The following KIF13A variants were observed in gnomAD, a reference collection of about 807,000 sequenced individuals.
KIF13A encodes the protein kinesin-like protein KIF13A.
A neutral mutation model predicts 212.2 loss-of-function variants in KIF13A; 79 were observed. The ratio of observed to expected loss-of-function variants is 0.37; its 90% CI spans 0.31 to 0.45. The LOEUF is 0.45. KIF13A is among the 20% of genes least tolerant of loss of function. The pLI is 1.00. For missense variants in KIF13A, 1,901 were observed against 2,209.0 expected (o/e 0.86, Z 2.79); for synonymous variants, 789 against 808.6 (o/e 0.98, Z 0.41).
chr6:17,761,778 G>A (rs1242010324), downstream of KIF13A, among the ~76,000 whole-genome samples: 3 of 152,100 alleles, frequency 2.0e-5, no homozygotes, highest in African/African-American at 7.2e-5. Context: ...TGGGAGGAAC[G>A]TACTATTCTG....
Position 17,828,508 on chromosome 6 carries a change from T to A in KIF13A, c.1402-138A>T. On this transcript the variant is annotated intron_variant, in intron 13 of 38. Transcript: ENST00000259711. The surrounding 1 kb of genome is among the most constrained non-coding windows in gnomAD (Gnocchi z 4.3). ...ATCCTGCCAGAGATGTTAAATATCT[T>A]AAGCATTAAAAGTAAAACGCTTACC... is the stretch of plus-strand genomic sequence containing the variant. 1.5e-6 allele frequency: 1 copy of A among 681,164 alleles called. No homozygotes were observed. 42.2% of individuals were successfully genotyped at this position (681,164 alleles called of 1,614,324 possible).
chr6:17,777,185 A>C lies in KIF13A; in HGVS notation c.4170+92T>G, dbSNP rs1422542472. ...TTGGGATGCCCACACCAGTTCCATA[A>C]GCTCTACTGCCACTGTGTGAATCCC... On this transcript the variant is annotated intron_variant, in intron 34 of 38. Coordinates refer to ENST00000259711, the MANE Select transcript of KIF13A (RefSeq NM_022113.6). This position sits in a 1 kb window ranked among gnomAD's most constrained non-coding sequence, Gnocchi z 4.4. 13 of 979,538 alleles carry C rather than the reference A, an allele frequency of 1.3e-5. No homozygotes were observed. Among genetic ancestry groups the C allele is most frequent in the Non-Finnish European group, 1.9e-5 (12 of 625,348 alleles). 60.7% of individuals were successfully genotyped at this position (979,538 alleles called of 1,614,324 possible). A position where few individuals can be genotyped will look rare whatever the true frequency, so the allele number is the denominator to read the frequency against.
intron 16 of KIF13A, among the ~76,000 whole-genome samples, chr6:17,818,944 G>C (rs1016625499): frequency 3.3e-5 from 5 of 150,774 alleles, no homozygotes; most frequent in Admixed American, 2.0e-4. Flanking sequence ...TGTTTTCAAA[G>C]AAGCAAAATA....
In KIF13A at chr6:17,987,007, C is replaced by T; in HGVS notation, c.146+47G>A. 1.4e-6 allele frequency: 2 copies of T among 1,440,134 alleles called. No individual in the cohort carries two copies. The highest frequency in any genetic ancestry group is 2.0e-6 in the Non-Finnish European group (2 of 1,023,020). The allele number at this position is 1,440,134 out of a possible 1,614,324, so 89.2% of individuals were successfully genotyped here. On this transcript the variant is annotated intron_variant, in intron 2 of 38. Transcript: ENST00000259711. The surrounding 1 kb of genome is among the most constrained non-coding windows in gnomAD (Gnocchi z 7.7). The stretch of plus-strand genomic sequence containing the variant: ...TTTTCCTGGCTCAAACTTGCGGGAC[C>T]CCGCGAGGCTGGATCCTCCCAGCCG...
chr6:17,829,602 G>A lies in KIF13A; in HGVS notation c.1402-1232C>T, dbSNP rs1765260177. On this transcript the variant is annotated intron_variant, in intron 13 of 38. Transcript: ENST00000259711. This position sits in a 1 kb window ranked among gnomAD's most constrained non-coding sequence, Gnocchi z 5.4. ...TGTGACTATTGGTGATTCAGCCACT[G>A]CTTATCCCATTTTTTTCTATTGCTC... Among the ~76,000 whole-genome samples, 1 of 152,158 alleles carries A rather than the reference G, an allele frequency of 6.6e-6. No homozygotes were observed. Among genetic ancestry groups the A allele is most frequent in the Non-Finnish European group, 1.5e-5 (1 of 68,034 alleles).
chr6:17,833,440 A>G lies in KIF13A; in HGVS notation c.1266+521T>C, dbSNP rs112128836. Among the ~76,000 whole-genome samples the G allele has an allele frequency of 1.2e-3, 177 of 149,322 alleles. 2 individuals are homozygous for G. Among genetic ancestry groups the G allele is most frequent in the African/African-American group, 4.2e-3 (170 of 40,456 alleles). ...GAGCCCAGGATGTTGAGGCTGCAAG[A>G]GAGCTGTGATTGAGCTGCTGTACTC... On this transcript the variant is annotated intron_variant, in intron 12 of 38. Coordinates refer to ENST00000259711, the MANE Select transcript of KIF13A (RefSeq NM_022113.6).
chr6:17,978,374 T>C (rs567152556), intron 2 of KIF13A, among the ~76,000 whole-genome samples: 2 of 152,348 alleles, frequency 1.3e-5, no homozygotes, highest in South Asian at 2.1e-4. Flanking sequence ...AAATATTTTG[T>C]AGAGTGGTCT....
At chr6:17,873,789 C>A (rs916257478) in intron 3 of KIF13A, among the ~76,000 whole-genome samples, 1 of 151,936 alleles carries the variant, frequency 6.6e-6, no homozygotes. Flanking sequence ...GAGGTCTTGC[C>A]CTATTGCTCA....
rs1207428955 is a variant in KIF13A, at chr6:17,918,133, T to C, written c.147-19953A>G. Among the ~76,000 whole-genome samples, 1 of 152,088 alleles carries C rather than the reference T, an allele frequency of 6.6e-6. No homozygotes were observed. Among genetic ancestry groups the C allele is most frequent in the Non-Finnish European group, 1.5e-5 (1 of 68,026 alleles). ...CCTAGGTCTGCCCTGCTTGGTGTCA[T>C]GGACCCCACACCAGGCACATGGTAA... On this transcript the variant is annotated intron_variant, in intron 2 of 38. Transcript: ENST00000259711. This position sits in a 1 kb window ranked among gnomAD's most constrained non-coding sequence, Gnocchi z 4.8.
chr6:17,897,200 G>C lies in KIF13A; in HGVS notation c.159+968C>G, dbSNP rs971487157. On this transcript the variant is annotated intron_variant, in intron 3 of 38. Coordinates refer to ENST00000259711, the MANE Select transcript of KIF13A (RefSeq NM_022113.6). The surrounding 1 kb of genome is among the most constrained non-coding windows in gnomAD (Gnocchi z 4.8). Reference sequence around the variant, plus strand: ...ATTTTAATGGGTTTCCATAATCCAAGAGCTAAGATGGATTGTTCTTCATAA... The same window carrying C: ...ATTTTAATGGGTTTCCATAATCCAACAGCTAAGATGGATTGTTCTTCATAA... 1.3e-5 allele frequency among the ~76,000 whole-genome samples: 2 copies of C among 152,122 alleles called. No individual in the cohort carries two copies. Among genetic ancestry groups the C allele is most frequent in the Admixed American group, 6.5e-5 (1 of 15,282 alleles).
intron 2 of KIF13A, among the ~76,000 whole-genome samples, chr6:17,935,564 T>C (rs1776381909): frequency 6.6e-6 from 1 of 152,140 alleles, no homozygotes; most frequent in South Asian, 2.1e-4. Context: ...TGAAAACCAC[T>C]GCCCCAACAG....
At chr6:17,760,933 C>A (rs1026991689), downstream of KIF13A, 2 of 1,586,172 alleles carry the variant, frequency 1.3e-6, no homozygotes, top group Non-Finnish European at 8.7e-7. Context: ...CCCACCCCAC[C>A]CACAGCACCT....
Position 17,834,137 on chromosome 6 carries a change from G to T in KIF13A, c.1156-66C>A. The T allele has an allele frequency of 2.2e-6, 2 of 916,896 alleles. No individual in the cohort carries two copies. The highest frequency in any genetic ancestry group is 1.6e-5 in the South Asian group (1 of 63,450). The allele number at this position is 916,896 out of a possible 1,614,324, so 56.8% of individuals were successfully genotyped here. On this transcript the variant is annotated intron_variant, in intron 11 of 38. Transcript: ENST00000259711. The surrounding 1 kb of genome is among the most constrained non-coding windows in gnomAD (Gnocchi z 4.0). ...TCCACCATCATATACAAGACAATCAGTTACTGTCCCTCTTAAGCAGTTATC... is the reference window on the plus strand; with the variant it reads ...TCCACCATCATATACAAGACAATCATTTACTGTCCCTCTTAAGCAGTTATC...
rs898506179 is a variant in KIF13A at position 17,796,561 on chromosome 6, A to G, written c.2942+108T>C. On this transcript the variant is annotated intron_variant, in intron 23 of 38. Coordinates refer to ENST00000259711, the MANE Select transcript of KIF13A (RefSeq NM_022113.6). ...GGCCATTCTTTTTTTTTTTTTTTTA[A>G]ATGATTTTATTTTTTTATAAGCAGC... 27 of 724,184 alleles carry G rather than the reference A, an allele frequency of 3.7e-5. No individual in the cohort carries two copies. The African/African-American group carries it at 5.1e-4, about 14-fold the overall frequency. 44.9% of individuals were successfully genotyped at this position (724,184 alleles called of 1,614,324 possible).
At chr6:17,929,239 G>A (rs1775780009) in intron 2 of KIF13A, among the ~76,000 whole-genome samples, 1 of 151,892 alleles carries the variant, frequency 6.6e-6, no homozygotes, top group Non-Finnish European at 1.5e-5. Context: ...AGACAAGGTG[G>A]GGGGCGCATG....
At chr6:17,833,457 G>A (rs1358262300) in intron 12 of KIF13A, among the ~76,000 whole-genome samples, 1 of 147,026 alleles carries the variant, frequency 6.8e-6, no homozygotes, top group Non-Finnish European at 1.5e-5. Flanking sequence ...TGATTGAGCT[G>A]CTGTACTCCA....
chr6:17,975,562 A>G (rs9477561), intron 2 of KIF13A, among the ~76,000 whole-genome samples: 10,804 of 152,290 alleles, frequency 0.071, 470 homozygotes, highest in Middle Eastern at 0.14. Context: ...AAAAGCTTCC[A>G]GTACAGAACA....
At chr6:17,909,346 G>T (rs915597388) in intron 2 of KIF13A, among the ~76,000 whole-genome samples, 1 of 152,054 alleles carries the variant, frequency 6.6e-6, no homozygotes, top group Non-Finnish European at 1.5e-5. Context: ...GACCAGCCTG[G>T]CCAACATGGC....
chr6:17,930,462 G>A (rs1326034553), intron 2 of KIF13A, among the ~76,000 whole-genome samples: 1 of 152,046 alleles, frequency 6.6e-6, no homozygotes, highest in African/African-American at 2.4e-5. Flanking sequence ...TTAATTTCCT[G>A]GAAACAGGGT....
Sources: gnomAD v4.1 joint callset for allele counts (sites outside exome capture counted in the v4.1 genomes callset) on GRCh38, gnomAD v4.1.1 for gene constraint, Gnocchi (gnomAD v3.1) non-coding constraint, MANE v1.5 for transcripts, NCBI Gene and HGNC (gene_info 2026-07-23, HGNC 2026-07-21) for gene names.